Variants in MEIS2 observed in about 807,000 individuals in gnomAD.
MEIS2 encodes Meis homeobox 2.
Under a neutral mutation model 58.6 loss-of-function variants are expected in MEIS2, and 9 were observed. The ratio of observed to expected loss-of-function variants is 0.15; its 90% CI spans 0.09 to 0.27. The LOEUF (loss-of-function observed/expected upper bound fraction) is 0.27, where lower values mean the gene tolerates loss of function less well. Among genes scored for constraint, MEIS2 ranks in the 10% least tolerant of loss-of-function variants. The probability of loss-of-function intolerance (pLI) is 1.00; values close to 1 mark genes in which losing one functional copy is unlikely to be tolerated. For synonymous variants in MEIS2, 221 were observed against 228.4 expected (o/e 0.97, Z 0.29); for missense variants, 427 against 635.0 (o/e 0.67, Z 3.52).
At chr15:36,965,620 T>C (rs975335859) in intron 8 of MEIS2, among the ~76,000 whole-genome samples, 3 of 152,210 alleles carry the variant, frequency 2.0e-5, no homozygotes, top group Non-Finnish European at 2.9e-5. Context: ...ATTTAAACTT[T>C]AAAATATTTA....
chr15:36,890,266 C>T lies in MEIS2; in HGVS notation c.*1907G>A, dbSNP rs1417722344. Reference sequence around the variant, plus strand: ...ATTTGAAAATTGAGGGGACATGCCTCACCCTTTTTGCACACTTTAGCAGAC... The same window carrying T: ...ATTTGAAAATTGAGGGGACATGCCTTACCCTTTTTGCACACTTTAGCAGAC... On this transcript the variant is annotated 3_prime_UTR_variant, in exon 12 of 12. Transcript: ENST00000561208. 1 of 152,160 alleles carries T rather than the reference C, an allele frequency of 6.6e-6. No homozygotes were observed. The highest frequency in any genetic ancestry group is 1.5e-5 in the Non-Finnish European group (1 of 68,012). The allele number at this position is 152,160 out of a possible 1,614,324, so 9.4% of individuals were successfully genotyped here. A position where few individuals can be genotyped will look rare whatever the true frequency, so the allele number is the denominator to read the frequency against.
intron 8 of MEIS2, among the ~76,000 whole-genome samples, chr15:36,971,259 G>A (rs2059547422): frequency 6.6e-6 from 1 of 151,890 alleles, no homozygotes; most frequent in Admixed American, 6.6e-5. Context: ...ATACCTCGAA[G>A]GCTGGTATAA....
chr15:37,028,588 C>A (rs1242773757), intron 8 of MEIS2, among the ~76,000 whole-genome samples: 4 of 152,272 alleles, frequency 2.6e-5, no homozygotes, highest in Middle Eastern at 3.4e-3. Flanking sequence ...ACAGATGGCA[C>A]ACAGAATTGA....
At chr15:37,060,825 C>A (rs1023154948) in intron 7 of MEIS2, among the ~76,000 whole-genome samples, 5 of 152,008 alleles carry the variant, frequency 3.3e-5, no homozygotes, top group African/African-American at 1.2e-4. Flanking sequence ...GAGAATGGCC[C>A]TAAAAATAAG....
intron 7 of MEIS2, among the ~76,000 whole-genome samples, chr15:37,077,227 G>T (rs1891536010): frequency 6.6e-6 from 1 of 152,080 alleles, no homozygotes; most frequent in Non-Finnish European, 1.5e-5. Flanking sequence ...TTGGAAGTCA[G>T]CTTCCCTGTG....
At chr15:37,088,444 T>C (rs1288334806) in intron 6 of MEIS2, among the ~76,000 whole-genome samples, 5 of 152,198 alleles carry the variant, frequency 3.3e-5, no homozygotes, top group Admixed American at 6.5e-5. Context: ...TAACTCCTAA[T>C]TAACATTATG....
At chr15:36,955,370 T>C (rs1253948819) in intron 8 of MEIS2, among the ~76,000 whole-genome samples, 1 of 152,218 alleles carries the variant, frequency 6.6e-6, no homozygotes, top group African/African-American at 2.4e-5. Context: ...TAAGTATAAC[T>C]TCCTCAAGGT....
At chr15:36,967,193 C>A (rs773840026) in intron 8 of MEIS2, among the ~76,000 whole-genome samples, 12 of 152,148 alleles carry the variant, frequency 7.9e-5, no homozygotes, top group Non-Finnish European at 1.5e-4. Context: ...GATATCCTAA[C>A]ACATTTTAAA....
At chr15:36,957,303 T>TGAAAACAG in intron 8 of MEIS2, among the ~76,000 whole-genome samples, 1 of 152,290 alleles carries the variant, frequency 6.6e-6, no homozygotes, top group Admixed American at 6.5e-5. Flanking sequence ...AAAAACACAT[T>TGAAAACAG]TAGACTCAAT....
At chr15:37,024,789 AC>A (rs2061644696) in intron 8 of MEIS2, among the ~76,000 whole-genome samples, 1 of 152,234 alleles carries the variant, frequency 6.6e-6, no homozygotes, top group African/African-American at 2.4e-5. Flanking sequence ...ATTCTTCTCC[AC>A]CAGCTTGACC....
intron 9 of MEIS2, among the ~76,000 whole-genome samples, chr15:36,904,947 C>T (rs1265764926): frequency 6.6e-6 from 1 of 152,150 alleles, no homozygotes; most frequent in African/African-American, 2.4e-5. Context: ...TAGAGATGCC[C>T]TATCAACCAA....
intron 9 of MEIS2, among the ~76,000 whole-genome samples, chr15:36,929,381 C>T (rs2057878794): frequency 6.6e-6 from 1 of 152,144 alleles, no homozygotes; most frequent in Admixed American, 6.5e-5. Context: ...TATAAACTTC[C>T]TTGTGCATGC....
At chr15:37,031,709 A>G (rs1196262728) in intron 8 of MEIS2, among the ~76,000 whole-genome samples, 4 of 151,922 alleles carry the variant, frequency 2.6e-5, no homozygotes, top group East Asian at 1.9e-4. Flanking sequence ...CCTCTCCCCA[A>G]CCCCCAGAGA....
intron 9 of MEIS2, among the ~76,000 whole-genome samples, chr15:36,911,609 G>T (rs1392285602): frequency 3.3e-5 from 5 of 152,184 alleles, no homozygotes; most frequent in African/African-American, 9.7e-5. Context: ...TACAAAATCA[G>T]CTTTTACTTA....
At chr15:36,972,151 C>T (rs774887187) in intron 8 of MEIS2, among the ~76,000 whole-genome samples, 4 of 151,696 alleles carry the variant, frequency 2.6e-5, no homozygotes, top group Non-Finnish European at 5.9e-5. Flanking sequence ...GTTATGCTGT[C>T]AATAAAAAGT....
chr15:37,018,724 C>A (rs1567187859), intron 8 of MEIS2, among the ~76,000 whole-genome samples: 1 of 152,068 alleles, frequency 6.6e-6, no homozygotes, highest in Non-Finnish European at 1.5e-5. Context: ...TATAATGTAC[C>A]AGTACAACAG....
intron 7 of MEIS2, among the ~76,000 whole-genome samples, chr15:37,072,745 GTA>G (rs1178928753): frequency 2.0e-5 from 3 of 152,010 alleles, no homozygotes; most frequent in African/African-American, 7.2e-5. Flanking sequence ...AGTTACATAT[GTA>G]TACATGTGCC....
intron 11 of MEIS2, chr15:36,894,911 T>C: frequency 9.0e-7 from 1 of 1,110,140 alleles, no homozygotes; most frequent in East Asian, 2.3e-5. Flanking sequence ...CTTATTGCCT[T>C]GGTTTAAAAA....
chr15:36,925,465 C>A (rs1381627968), intron 9 of MEIS2, among the ~76,000 whole-genome samples: 1 of 151,992 alleles, frequency 6.6e-6, no homozygotes, highest in African/African-American at 2.4e-5. Flanking sequence ...AAGGGTGAGG[C>A]GGCTGCTTTG....
Sources: allele counts gnomAD v4.1 joint callset (sites outside exome capture counted in the v4.1 genomes callset), GRCh38; gene constraint gnomAD v4.1.1; transcripts MANE v1.5; gene names NCBI Gene and HGNC (gene_info 2026-07-23, HGNC 2026-07-21).